GRK5: variants seen among roughly 807,000 people sequenced by gnomAD.
The protein encoded by GRK5 is g protein-coupled receptor kinase GRK5.
In GRK5, 40 loss-of-function variants were observed where a neutral mutation model predicts 78.4. The observed-to-expected ratio is 0.51, with a 90% CI of 0.40 to 0.66. The LOEUF is 0.66. Ranked by LOEUF, GRK5 falls within the 30% of genes least tolerant of loss-of-function variation. The pLI is 0.00. For synonymous variants in GRK5, 289 were observed against 296.8 expected, an observed-to-expected ratio of 0.97 and a Z score of 0.27; for missense variants, 598 against 759.9, an observed-to-expected ratio of 0.79 and a Z score of 2.50.
intron 3 of GRK5, among the ~76,000 whole-genome samples, chr10:119,384,364 G>A (rs923856228): frequency 2.6e-5 from 4 of 152,226 alleles, no homozygotes; most frequent in Non-Finnish European, 5.9e-5. Context: ...ATGATGCAGA[G>A]TGCAGCCTCC....
At chr10:119,301,894 G>A (rs997709779) in intron 1 of GRK5, among the ~76,000 whole-genome samples, 1 of 152,180 alleles carries the variant, frequency 6.6e-6, no homozygotes, top group Non-Finnish European at 1.5e-5. Context: ...CAGGATTCCC[G>A]GCAGCCACTG....
chr10:119,274,956 A>G lies in GRK5; in HGVS notation c.53-51560A>G, dbSNP rs140719718. 6.5e-3 allele frequency among the ~76,000 whole-genome samples: 996 copies of G among 152,336 alleles called. 11 individuals carry two copies. Among genetic ancestry groups the G allele is most frequent in the African/African-American group, 0.023 (938 of 41,586 alleles). ...CTTGGAGACAGCAATTTTGCAAAGC[A>G]GTAAGAACCTGGGATTTGAATTATG... On this transcript the variant is annotated intron_variant, in intron 1 of 15. Transcript: ENST00000392870.
chr10:119,390,538 TACAA>T (rs201946262), intron 3 of GRK5, among the ~76,000 whole-genome samples: 7,704 of 151,954 alleles, frequency 0.051, 410 homozygotes, highest in African/African-American at 0.13. Flanking sequence ...CTACTAAAAA[TACAA>T]AAATTAGCTG....
At chr10:119,298,671 C>G (rs1270394554) in intron 1 of GRK5, among the ~76,000 whole-genome samples, 2 of 152,096 alleles carry the variant, frequency 1.3e-5, no homozygotes, top group African/African-American at 4.8e-5. Context: ...GTGGTCAGAT[C>G]AGCTTCTTCA....
rs534104312 is a variant in GRK5 at position 119,378,697 on chromosome 10, G to C, written c.149-2118G>C. On this transcript the variant is annotated intron_variant, in intron 2 of 15. Transcript: ENST00000392870. This position sits in a 1 kb window ranked among gnomAD's most constrained non-coding sequence, Gnocchi z 4.5. ...GCGCCTCCGTGGGCTCTCGCTGCGT[G>C]GGGGGAAGGCGGTCTCAGCAGCCCT... Among the ~76,000 whole-genome samples, 204 of 152,362 alleles carry C rather than the reference G, an allele frequency of 1.3e-3. 2 individuals are homozygous for C. Among genetic ancestry groups the C allele is most frequent in the African/African-American group, 4.6e-3 (192 of 41,592 alleles).
chr10:119,405,027 C>T (rs982800626), intron 4 of GRK5, among the ~76,000 whole-genome samples: 6 of 152,190 alleles, frequency 3.9e-5, no homozygotes, highest in African/African-American at 1.4e-4. Context: ...CGGTGAGCAA[C>T]AGTGCTGATC....
At chr10:119,282,430 G>A (rs1049306276) in intron 1 of GRK5, among the ~76,000 whole-genome samples, 13 of 152,124 alleles carry the variant, frequency 8.5e-5, no homozygotes, top group South Asian at 2.1e-4. Flanking sequence ...TTGGCAGCCC[G>A]TCTCACCAGG....
At chr10:119,418,085 C>G (rs1051683249) in intron 4 of GRK5, among the ~76,000 whole-genome samples, 2 of 152,190 alleles carry the variant, frequency 1.3e-5, no homozygotes, top group African/African-American at 4.8e-5. Context: ...GAGCTCTGTC[C>G]GATCTGCCCG....
intron 1 of GRK5, among the ~76,000 whole-genome samples, chr10:119,242,545 A>T (rs1484626842): frequency 6.7e-6 from 1 of 149,188 alleles, no homozygotes; most frequent in Non-Finnish European, 1.5e-5. Context: ...GCTGCACACG[A>T]GATACACCAA....
chr10:119,392,810 T>C (rs76496400), intron 3 of GRK5, among the ~76,000 whole-genome samples: 1 of 152,118 alleles, frequency 6.6e-6, no homozygotes, highest in African/African-American at 2.4e-5. Context: ...CAGATGGAGG[T>C]CACGAGGGCA....
intron 1 of GRK5, among the ~76,000 whole-genome samples, chr10:119,302,896 G>T (rs572088323): frequency 6.6e-6 from 1 of 152,164 alleles, no homozygotes; most frequent in African/African-American, 2.4e-5. Flanking sequence ...GTATATGCAC[G>T]CTGTCACTGG....
chr10:119,267,701 G>T lies in GRK5; in HGVS notation c.53-58815G>T, dbSNP rs527649121. Among the ~76,000 whole-genome samples the T allele has an allele frequency of 6.6e-6, 1 of 152,342 alleles. No homozygotes were observed. Among genetic ancestry groups the T allele is most frequent in the African/African-American group, 2.4e-5 (1 of 41,586 alleles). ...GGACCCAAACTGTCCTCCAGGAAAG[G>T]CGGGAGGCAGCTTAGGTGACCTCTG... On this transcript the variant is annotated intron_variant, in intron 1 of 15. Coordinates refer to ENST00000392870, the MANE Select transcript of GRK5 (RefSeq NM_005308.3). This position sits in a 1 kb window ranked among gnomAD's most constrained non-coding sequence, Gnocchi z 4.1.
chr10:119,309,304 G>A (rs871198), intron 1 of GRK5, among the ~76,000 whole-genome samples: 59,937 of 152,146 alleles, frequency 0.39, 13,333 homozygotes, highest in Non-Finnish European at 0.5. Flanking sequence ...CAGGGGCCAC[G>A]TGCCAAGCAC....
At chr10:119,294,563 A>G (rs1298214188) in intron 1 of GRK5, among the ~76,000 whole-genome samples, 1 of 152,150 alleles carries the variant, frequency 6.6e-6, no homozygotes, top group African/African-American at 2.4e-5. Context: ...ATAAGTAGGA[A>G]TCAGGTGTGA....
At chr10:119,214,535 T>C (rs1848539351) in intron 1 of GRK5, among the ~76,000 whole-genome samples, 1 of 152,154 alleles carries the variant, frequency 6.6e-6, no homozygotes, top group African/African-American at 2.4e-5. Context: ...TTTGTTTTGT[T>C]TTTTGAGACA....
chr10:119,315,132 C>T (rs955049251), intron 1 of GRK5, among the ~76,000 whole-genome samples: 2 of 152,164 alleles, frequency 1.3e-5, no homozygotes, highest in Non-Finnish European at 2.9e-5. Flanking sequence ...GAAACTGAGG[C>T]CAGAGGGGTG....
At chr10:119,284,062 T>C (rs1210353060) in intron 1 of GRK5, among the ~76,000 whole-genome samples, 4 of 151,972 alleles carry the variant, frequency 2.6e-5, no homozygotes. Flanking sequence ...TGGGTACAGG[T>C]AGGAAATGAA....
At chr10:119,349,094 G>A (rs1369618050) in intron 2 of GRK5, among the ~76,000 whole-genome samples, 1 of 152,184 alleles carries the variant, frequency 6.6e-6, no homozygotes, top group Non-Finnish European at 1.5e-5. Flanking sequence ...CTCCCAGTGG[G>A]GAGAGGTTAA....
chr10:119,439,935 G>A (rs527705690), intron 10 of GRK5, among the ~76,000 whole-genome samples, 167 bp downstream of exon 10: 1 of 152,328 alleles, frequency 6.6e-6, no homozygotes, highest in South Asian at 2.1e-4. Context: ...TGTGAACAGA[G>A]CTCCGCTTGG....
Sources: allele counts gnomAD v4.1 joint callset (sites outside exome capture counted in the v4.1 genomes callset), GRCh38; gene constraint gnomAD v4.1.1; non-coding constraint Gnocchi (gnomAD v3.1); transcripts MANE v1.5; gene names NCBI Gene and HGNC (gene_info 2026-07-23, HGNC 2026-07-21).